The following PTPRG variants were observed in gnomAD, a reference collection of about 807,000 sequenced individuals.
PTPRG encodes receptor-type tyrosine-protein phosphatase gamma.
In PTPRG, 102 loss-of-function variants were observed where a neutral mutation model predicts 165.3. The ratio of observed to expected loss-of-function variants is 0.62; its 90% CI spans 0.53 to 0.73. The LOEUF (loss-of-function observed/expected upper bound fraction) is 0.73, where lower values mean the gene tolerates loss of function less well. Ranked by LOEUF, PTPRG falls within the 30% of genes least tolerant of loss-of-function variation. The pLI is 0.00. For missense variants in PTPRG, 1,866 were observed against 1,861.4 expected, an observed-to-expected ratio of 1.00 and a Z score of -0.05; for synonymous variants, 675 against 669.5, an observed-to-expected ratio of 1.01 and a Z score of -0.13.
At chr3:61,640,535 G>T (rs924853756) in intron 1 of PTPRG, among the ~76,000 whole-genome samples, 8 of 152,170 alleles carry the variant, frequency 5.3e-5, no homozygotes, top group Non-Finnish European at 1.2e-4. Flanking sequence ...CCAAAAGGGA[G>T]GTACTCTTAT....
intron 1 of PTPRG, among the ~76,000 whole-genome samples, chr3:61,615,442 C>T (rs58565884): frequency 0.64 from 97,156 of 152,150 alleles, 32,927 homozygotes; most frequent in South Asian, 0.85. Flanking sequence ...GAAACACCAG[C>T]GGAGTGGTGC....
At chr3:61,713,389 T>A (rs952248955) in intron 1 of PTPRG, among the ~76,000 whole-genome samples, 1 of 151,362 alleles carries the variant, frequency 6.6e-6, no homozygotes, top group Non-Finnish European at 1.5e-5. Flanking sequence ...GCCAGGATTG[T>A]CTCAAACTCC....
intron 2 of PTPRG, among the ~76,000 whole-genome samples, chr3:61,970,704 C>A (rs1010863522): frequency 1.3e-5 from 2 of 151,942 alleles, no homozygotes; most frequent in Admixed American, 1.3e-4. Flanking sequence ...TAAAAAAATT[C>A]TAGGATCTAG....
At chr3:61,615,846 A>G (rs1417822405) in intron 1 of PTPRG, among the ~76,000 whole-genome samples, 2 of 152,334 alleles carry the variant, frequency 1.3e-5, no homozygotes, top group South Asian at 2.1e-4. Flanking sequence ...AAGAAGTTCC[A>G]GGTTCATCTT....
At position 61,697,939 on chromosome 3, in the gene PTPRG, T is replaced by G. The variant is rs147646210; in HGVS notation, c.86-50939T>G. Among the ~76,000 whole-genome samples, 144 of 152,292 alleles carry G rather than the reference T, an allele frequency of 9.5e-4. 1 individual carries two copies. The highest frequency in any genetic ancestry group is 3.4e-3 in the African/African-American group (141 of 41,564). On this transcript the variant is annotated intron_variant, in intron 1 of 29. Coordinates refer to ENST00000474889, the MANE Select transcript of PTPRG (RefSeq NM_002841.4). Reference sequence around the variant, plus strand: ...TTTATCCCTACAACACCAAGAAGAATTTGAACAAACAGTCCTTGCTAATTT... The same window carrying G: ...TTTATCCCTACAACACCAAGAAGAAGTTGAACAAACAGTCCTTGCTAATTT...
chr3:61,684,021 C>G (rs937267601), intron 1 of PTPRG, among the ~76,000 whole-genome samples: 6 of 152,214 alleles, frequency 3.9e-5, no homozygotes, highest in Admixed American at 1.3e-4. Flanking sequence ...TAAACATGGT[C>G]TTGCAGTTGT....
At position 62,214,034 on chromosome 3, in the gene PTPRG, C is replaced by CA. The variant is rs1442182604; in HGVS notation, c.2156-4809dup. Among the ~76,000 whole-genome samples the CA allele has an allele frequency of 1.5e-4, 22 of 151,604 alleles. No individual in the cohort carries two copies. The highest frequency in any genetic ancestry group is 2.0e-4 in the Admixed American group (3 of 15,238). ...CAACATATCAAGAAAGTGTCTCTAC[C>CA]AAAAAAAAGAGGGAAAAAGCAGTAT... On this transcript the variant is annotated intron_variant, in intron 12 of 29. Transcript: ENST00000474889. This position sits in a 1 kb window ranked among gnomAD's most constrained non-coding sequence, Gnocchi z 5.2.
chr3:61,595,215 G>T (rs1700673206), intron 1 of PTPRG, among the ~76,000 whole-genome samples: 1 of 151,132 alleles, frequency 6.6e-6, no homozygotes, highest in Non-Finnish European at 1.5e-5. Flanking sequence ...TACTCTGAAT[G>T]TGGGAACTTA....
intron 1 of PTPRG, among the ~76,000 whole-genome samples, chr3:61,716,199 C>T (rs1385380850): frequency 1.3e-5 from 2 of 152,178 alleles, no homozygotes; most frequent in African/African-American, 4.8e-5. Context: ...CTCTGAGGTT[C>T]CTCTAACGTC....
At chr3:61,785,569 T>A (rs2034670942) in intron 2 of PTPRG, among the ~76,000 whole-genome samples, 1 of 152,206 alleles carries the variant, frequency 6.6e-6, no homozygotes, top group South Asian at 2.1e-4. Flanking sequence ...TCAGTCTTGC[T>A]CTATTCTGCT....
intron 1 of PTPRG, among the ~76,000 whole-genome samples, chr3:61,648,649 C>T (rs1333601614): frequency 1.3e-5 from 2 of 152,334 alleles, no homozygotes; most frequent in East Asian, 3.9e-4. Flanking sequence ...AGGCTTTCTG[C>T]TGCAGAACAC....
intron 2 of PTPRG, among the ~76,000 whole-genome samples, chr3:61,775,737 C>T (rs1475681345): frequency 2.0e-5 from 3 of 152,008 alleles, no homozygotes; most frequent in Admixed American, 6.6e-5. Flanking sequence ...CCATGGAATA[C>T]GATGCAGCCA....
At chr3:62,047,008 G>A (rs569492035) in intron 4 of PTPRG, among the ~76,000 whole-genome samples, 55 of 152,300 alleles carry the variant, frequency 3.6e-4, no homozygotes, top group Non-Finnish European at 6.5e-4. Context: ...GTGGGGCTTA[G>A]AGAGGGTAAT....
At chr3:61,996,572 T>A (rs966240465) in intron 3 of PTPRG, among the ~76,000 whole-genome samples, 1 of 152,218 alleles carries the variant, frequency 6.6e-6, no homozygotes, top group Non-Finnish European at 1.5e-5. Context: ...ATTGTTTATA[T>A]TGGGCGTGTC....
intron 15 of PTPRG, among the ~76,000 whole-genome samples, chr3:62,248,732 C>T (rs1161620057): frequency 6.6e-6 from 1 of 152,150 alleles, no homozygotes; most frequent in Non-Finnish European, 1.5e-5. Context: ...TGCATACTGT[C>T]AGACACAAAT....
chr3:62,277,602 AC>A lies in PTPRG; in HGVS notation c.3689del (p.Thr1230IlefsTer8). ...TATAACTCAGCATCCTCTGCCACAT[AC>A]TACGAAAGATTTCTGGCGAATGATT... ...FIITQHPLPH[T>X]TKDFWRMIWD... On this transcript the variant is annotated frameshift_variant, in exon 26 of 30. Transcript: ENST00000474889. LOFTEE classifies it high-confidence loss of function. 6.2e-7 allele frequency: 1 copy of A among 1,612,674 alleles called. No individual in the cohort carries two copies. The highest frequency in any genetic ancestry group is 1.1e-5 in the South Asian group (1 of 91,062).
At chr3:62,081,411 T>C (rs1352863544) in intron 5 of PTPRG, among the ~76,000 whole-genome samples, 1 of 152,210 alleles carries the variant, frequency 6.6e-6, no homozygotes, top group African/African-American at 2.4e-5. Flanking sequence ...GGTGCAATTA[T>C]GGCTCACTAC....
intron 2 of PTPRG, among the ~76,000 whole-genome samples, chr3:61,880,289 T>G (rs1340617556): frequency 1.3e-5 from 2 of 152,176 alleles, no homozygotes; most frequent in South Asian, 2.1e-4. Context: ...TGCTACCTTT[T>G]CTAGAATTTG....
chr3:61,731,554 G>A (rs1003135180), intron 1 of PTPRG, among the ~76,000 whole-genome samples: 10 of 151,894 alleles, frequency 6.6e-5, no homozygotes, highest in African/African-American at 2.2e-4. Flanking sequence ...TCACCATGTT[G>A]GCCAGAATGG....
Sources: allele counts gnomAD v4.1 joint callset (sites outside exome capture counted in the v4.1 genomes callset), GRCh38; gene constraint gnomAD v4.1.1; non-coding constraint Gnocchi (gnomAD v3.1); transcripts MANE v1.5; gene names NCBI Gene and HGNC (gene_info 2026-07-23, HGNC 2026-07-21).